HDGFL3: variants seen among roughly 807,000 people sequenced by gnomAD.
The protein encoded by HDGFL3 is HDGF like 3.
A neutral mutation model predicts 27.6 loss-of-function variants in HDGFL3; 6 were observed. The observed-to-expected ratio is 0.22, with a 90% CI of 0.12 to 0.43. HDGFL3 has a LOEUF of 0.43. Among genes scored for constraint, HDGFL3 ranks in the 20% least tolerant of loss-of-function variants. The probability of loss-of-function intolerance (pLI) is 1.00; values close to 1 mark genes in which losing one functional copy is unlikely to be tolerated. For synonymous variants in HDGFL3, 88 were observed against 88.9 expected (o/e 0.99, Z 0.05); for missense variants, 207 against 250.1 (o/e 0.83, Z 1.16).
rs1164917822 is a variant in HDGFL3 at position 83,128,258 on chromosome 15, C to T, written c.*11012G>A. 1 of 152,024 alleles carries T rather than the reference C, an allele frequency of 6.6e-6. No individual in the cohort carries two copies. The highest frequency in any genetic ancestry group is 1.9e-4 in the East Asian group (1 of 5,184). 9.4% of individuals were successfully genotyped at this position (152,024 alleles called of 1,614,324 possible). ...ATATGCATGGTATAATAATCATGAT[C>T]GTAAGACATACTAGAATTCACACGG... On this transcript the variant is annotated 3_prime_UTR_variant, in exon 6 of 6. Transcript: ENST00000299633.
Position 83,136,613 on chromosome 15 carries a change from C to A in HDGFL3, c.*2657G>T. 1.2e-6 allele frequency: 2 copies of A among 1,612,264 alleles called. No individual in the cohort carries two copies. The highest frequency in any genetic ancestry group is 1.7e-6 in the Non-Finnish European group (2 of 1,179,464). ...AGTTCTTCCTCAGCTCTTGGCCTATCGTTGTATCTACAAACCAGAGTTCTT... is the reference window on the plus strand; with the variant it reads ...AGTTCTTCCTCAGCTCTTGGCCTATAGTTGTATCTACAAACCAGAGTTCTT... On this transcript the variant is annotated 3_prime_UTR_variant, in exon 6 of 6. Transcript: ENST00000299633.
rs899031468 is a variant in HDGFL3, at chr15:83,131,767, G to A, written c.*7503C>T. ...AAGAAGATTGAATAAAATGAAACCA[G>A]GACACATTTTAGACCAAAGAGTTCC... On this transcript the variant is annotated 3_prime_UTR_variant, in exon 6 of 6. Coordinates refer to ENST00000299633, the MANE Select transcript of HDGFL3 (RefSeq NM_016073.4). The A allele has an allele frequency of 2.0e-5, 3 of 152,162 alleles. No homozygotes were observed. The highest frequency in any genetic ancestry group is 7.2e-5 in the African/African-American group (3 of 41,446). 9.4% of individuals were successfully genotyped at this position (152,162 alleles called of 1,614,324 possible). A position where few individuals can be genotyped will look rare whatever the true frequency, so the allele number is the denominator to read the frequency against.
Position 83,129,174 on chromosome 15 carries a change from T to C in HDGFL3, c.*10096A>G, listed in dbSNP as rs1664723788. On this transcript the variant is annotated 3_prime_UTR_variant, in exon 6 of 6. Coordinates refer to ENST00000299633, the MANE Select transcript of HDGFL3 (RefSeq NM_016073.4). ...CCAGTGATTCTCCAACCCATTTTTTTTTTCCAGCTCCGCTGCCCCTACACT... is the reference window on the plus strand; with the variant it reads ...CCAGTGATTCTCCAACCCATTTTTTCTTTCCAGCTCCGCTGCCCCTACACT... 1 of 152,194 alleles carries C rather than the reference T, an allele frequency of 6.6e-6. No individual in the cohort carries two copies. The highest frequency in any genetic ancestry group is 1.5e-5 in the Non-Finnish European group (1 of 68,056). The allele number at this position is 152,194 out of a possible 1,614,324, so 9.4% of individuals were successfully genotyped here.
intron 1 of HDGFL3, among the ~76,000 whole-genome samples, chr15:83,177,098 T>G (rs868572892): frequency 9.2e-5 from 14 of 152,276 alleles, no homozygotes; most frequent in Middle Eastern, 3.4e-3. Context: ...TTTGTATTTT[T>G]AGTAGAGACA....
chr15:83,151,425 A>T lies in HDGFL3; in HGVS notation c.460-64T>A, dbSNP rs147133055. On this transcript the variant is annotated intron_variant, in intron 4 of 5. Transcript: ENST00000299633. Reference sequence around the variant, plus strand: ...AGAAATCCAAATGTACAAGTAAGAGATGCAGAAATAGCTGACTTGCATCTA... The same window carrying T: ...AGAAATCCAAATGTACAAGTAAGAGTTGCAGAAATAGCTGACTTGCATCTA... 27 of 1,385,328 alleles carry T rather than the reference A, an allele frequency of 1.9e-5. No homozygotes were observed. The East Asian group carries it at 6.3e-4, about 32-fold the overall frequency. The allele number at this position is 1,385,328 out of a possible 1,614,324, so 85.8% of individuals were successfully genotyped here. A position where few individuals can be genotyped will look rare whatever the true frequency, so the allele number is the denominator to read the frequency against.
chr15:83,139,941 T>C (rs2151392578), intron 5 of HDGFL3, among the ~76,000 whole-genome samples: 1 of 152,312 alleles, frequency 6.6e-6, no homozygotes, highest in East Asian at 1.9e-4. Flanking sequence ...CTGGTTCTAT[T>C]TCCCCAAAAG....
At chr15:83,198,154 A>ATAAC (rs1377490054) in intron 1 of HDGFL3, among the ~76,000 whole-genome samples, 9 of 151,868 alleles carry the variant, frequency 5.9e-5, no homozygotes, top group African/African-American at 2.2e-4. Context: ...TAAAATCTAT[A>ATAAC]TAACTAACCT....
intron 5 of HDGFL3, among the ~76,000 whole-genome samples, chr15:83,145,022 G>A (rs563893770): frequency 1.3e-5 from 2 of 151,470 alleles, no homozygotes; most frequent in South Asian, 4.2e-4. Context: ...GTCTCCTTCT[G>A]CTAGTGGCAG....
downstream of HDGFL3, among the ~76,000 whole-genome samples, chr15:83,127,143 G>A (rs1054389280): frequency 2.6e-5 from 4 of 151,246 alleles, no homozygotes; most frequent in Admixed American, 2.6e-4. Flanking sequence ...GCAGTGAGCC[G>A]AGATTGCGCC....
chr15:83,159,067 C>T (rs2037066268), intron 2 of HDGFL3, among the ~76,000 whole-genome samples: 1 of 152,140 alleles, frequency 6.6e-6, no homozygotes, highest in African/African-American at 2.4e-5. Flanking sequence ...TCTCGAACTC[C>T]TGACTTCAGG....
At chr15:83,189,579 T>C (rs142156888) in intron 1 of HDGFL3, 1 of 152,300 alleles carries the variant, frequency 6.6e-6, no homozygotes, top group East Asian at 1.9e-4. Context: ...TTCATCTTTT[T>C]CCATACCTTT....
chr15:83,138,010 A>C lies in HDGFL3; in HGVS notation c.*1260T>G, dbSNP rs2036687018. On this transcript the variant is annotated 3_prime_UTR_variant, in exon 6 of 6. Coordinates refer to ENST00000299633, the MANE Select transcript of HDGFL3 (RefSeq NM_016073.4). ...AAAACCCAGAGAGTGTTTAAAAAAA[A>C]AAAAAGAAAGAAAAAGAAAAACCCT... The C allele has an allele frequency of 6.6e-6, 1 of 152,250 alleles. No individual in the cohort carries two copies. Among genetic ancestry groups the C allele is most frequent in the Non-Finnish European group, 1.5e-5 (1 of 67,936 alleles). 9.4% of individuals were successfully genotyped at this position (152,250 alleles called of 1,614,324 possible).
downstream of HDGFL3, chr15:83,122,821 C>G: frequency 6.2e-7 from 1 of 1,613,978 alleles, no homozygotes; most frequent in Non-Finnish European, 8.5e-7. Flanking sequence ...GTCTTCCTGT[C>G]TGGGCTGGTT....
chr15:83,131,733 A>T lies in HDGFL3; in HGVS notation c.*7537T>A, dbSNP rs1479652218. On this transcript the variant is annotated 3_prime_UTR_variant, in exon 6 of 6. Coordinates refer to ENST00000299633, the MANE Select transcript of HDGFL3 (RefSeq NM_016073.4). Reference sequence around the variant, plus strand: ...GCCTTCAGAAATCAAAAGATCAAGGAAAGAGTAAAAGAAGATTGAATAAAA... The same window carrying T: ...GCCTTCAGAAATCAAAAGATCAAGGTAAGAGTAAAAGAAGATTGAATAAAA... 6.6e-6 allele frequency: 1 copy of T among 152,228 alleles called. No homozygotes were observed. The highest frequency in any genetic ancestry group is 2.4e-5 in the African/African-American group (1 of 41,454). 9.4% of individuals were successfully genotyped at this position (152,228 alleles called of 1,614,324 possible). A position where few individuals can be genotyped will look rare whatever the true frequency, so the allele number is the denominator to read the frequency against.
Position 83,164,067 on chromosome 15 carries a change from T to C in HDGFL3, c.93A>G (p.Glu31=), listed in dbSNP as rs746478677. Residue 31 remains glutamate, a synonymous_variant, in exon 2 of 6, where the codon GAA becomes GAG. Coordinates refer to ENST00000299633, the MANE Select transcript of HDGFL3 (RefSeq NM_016073.4). The part of the protein sequence containing the change: ...GYPHWPARID[E]LPEGAVKPPA... ...GAGGCTTCACAGCGCCCTCTGGGAGTTCATCAATCTATGAAAGATACATTT... is the reference window on the plus strand; with the variant it reads ...GAGGCTTCACAGCGCCCTCTGGGAGCTCATCAATCTATGAAAGATACATTT... The C allele has an allele frequency of 6.2e-7, 1 of 1,602,862 alleles. No homozygotes were observed. Among genetic ancestry groups the C allele is most frequent in the Admixed American group, 1.7e-5 (1 of 57,746 alleles).
intron 5 of HDGFL3, among the ~76,000 whole-genome samples, chr15:83,142,237 A>T (rs192613066): frequency 9.2e-4 from 140 of 152,310 alleles, no homozygotes; most frequent in Non-Finnish European, 1.8e-3. Context: ...TCACTGCAGC[A>T]CTCGCTATAT....
downstream of HDGFL3, chr15:83,124,778 TA>T: frequency 6.2e-7 from 1 of 1,608,468 alleles, no homozygotes; most frequent in Non-Finnish European, 8.5e-7. Context: ...AGAGGTTTGG[TA>T]AGCATAACAG....
chr15:83,140,480 A>ATT (rs772081760), intron 5 of HDGFL3, among the ~76,000 whole-genome samples: 1 of 111,012 alleles, frequency 9.0e-6, no homozygotes. Flanking sequence ...AACCAAAGAA[A>ATT]GTTTTTTTTT....
intron 3 of HDGFL3, among the ~76,000 whole-genome samples, chr15:83,120,364 A>G (rs1322056110): frequency 3.9e-5 from 6 of 152,190 alleles, no homozygotes; most frequent in Admixed American, 1.3e-4. Context: ...CCATGGTGGC[A>G]CACCCACAGC....
Sources: gnomAD v4.1 joint callset for allele counts (sites outside exome capture counted in the v4.1 genomes callset) on GRCh38, gnomAD v4.1.1 for gene constraint, MANE v1.5 for transcripts, NCBI Gene and HGNC (gene_info 2026-07-23, HGNC 2026-07-21) for gene names.